Variants in ANKS1A observed in about 807,000 individuals in gnomAD.
ANKS1A encodes ankyrin repeat and SAM domain-containing protein 1A.
In ANKS1A, 55 loss-of-function variants were observed where a neutral mutation model predicts 120.3. That is an observed-to-expected ratio of 0.46 (90% CI 0.37 to 0.57). The LOEUF is 0.57. Among genes scored for constraint, ANKS1A ranks in the 20% least tolerant of loss-of-function variants. The probability of loss-of-function intolerance (pLI) is 0.00; values close to 1 mark genes in which losing one functional copy is unlikely to be tolerated. For synonymous variants in ANKS1A, 590 were observed against 604.7 expected (o/e 0.98, Z 0.36); for missense variants, 1,123 against 1,480.3 (o/e 0.76, Z 3.96).
chr6:35,021,496 T>C (rs1316243141), intron 11 of ANKS1A, among the ~76,000 whole-genome samples: 1 of 152,240 alleles, frequency 6.6e-6, no homozygotes, highest in Non-Finnish European at 1.5e-5. Flanking sequence ...CTCACTGTTA[T>C]TATTCTTATT....
intron 1 of ANKS1A, among the ~76,000 whole-genome samples, chr6:34,930,040 C>G (rs1431616464): frequency 6.6e-6 from 1 of 152,098 alleles, no homozygotes; most frequent in Non-Finnish European, 1.5e-5. Flanking sequence ...TCATCGATAG[C>G]TGTTACCTTT....
chr6:34,889,561 C>T lies in ANKS1A; in HGVS notation c.159C>T (p.Gly53=), dbSNP rs1464562893. 7 of 1,275,940 alleles carry T rather than the reference C, an allele frequency of 5.5e-6. No homozygotes were observed. In the Admixed American group the frequency reaches 1.2e-4, roughly 21 times the overall value. The allele number at this position is 1,275,940 out of a possible 1,614,324, so 79.0% of individuals were successfully genotyped here. ...GCGGCAGCGGCGGCGGCGGCGGCGG[C>T]CTCGGCTCTTCCAGCCACCCCCTCT... The part of the protein sequence containing the change: ...GGGGSGGGGG[G]LGSSSHPLSS... The change falls in exon 1 of 24, where the codon GGC becomes GGT. Residue 53 remains glycine (G), a synonymous_variant. Coordinates refer to ENST00000360359, the MANE Select transcript of ANKS1A (RefSeq NM_015245.3). This position sits in a 1 kb window ranked among gnomAD's most constrained non-coding sequence, Gnocchi z 5.5.
Position 35,082,815 on chromosome 6 carries a change from A to T in ANKS1A, c.2834A>T (p.Asn945Ile). 3 of 1,612,280 alleles carry T rather than the reference A, an allele frequency of 1.9e-6. No homozygotes were observed. The highest frequency in any genetic ancestry group is 2.5e-6 in the Non-Finnish European group (3 of 1,179,012). Residue 945 changes from asparagine to isoleucine, a missense_variant and splice_region_variant, in exon 18 of 24, where the codon AAT becomes ATT. Physicochemically the swap from Asn to Ile is moderately radical, Grantham distance 149. Coordinates refer to ENST00000360359, the MANE Select transcript of ANKS1A (RefSeq NM_015245.3). The surrounding 1 kb of genome is among the most constrained non-coding windows in gnomAD (Gnocchi z 4.1). ...LIFESCGYEANYLGSMLIKDL... is the reference protein window; with the variant it reads ...LIFESCGYEAIYLGSMLIKDL... Reference sequence around the variant, plus strand: ...TTCGAGTCCTGTGGTTATGAAGCCAATGTGAGTTGCTCCCACCCTCCCAGC... The same window carrying T: ...TTCGAGTCCTGTGGTTATGAAGCCATTGTGAGTTGCTCCCACCCTCCCAGC...
rs1423789969 is a variant in ANKS1A, at chr6:34,889,538, GGCA to G, written c.139_141del (p.Ser47del). On this transcript the variant is annotated inframe_deletion, in exon 1 of 24. Coordinates refer to ENST00000360359, the MANE Select transcript of ANKS1A (RefSeq NM_015245.3). This position sits in a 1 kb window ranked among gnomAD's most constrained non-coding sequence, Gnocchi z 5.5. ...CGGTGGCTCTGGGGGCGGCGGCGGCGGCAGCGGCGGCGGCGGCGGCGGCCTCGG... is the reference window on the plus strand; with the variant it reads ...CGGTGGCTCTGGGGGCGGCGGCGGCGGCGGCGGCGGCGGCGGCGGCCTCGG... 13 of 1,269,264 alleles carry G rather than the reference GGCA, an allele frequency of 1.0e-5. No individual in the cohort carries two copies. The highest frequency in any genetic ancestry group is 1.6e-5 in the African/African-American group (1 of 63,970). 78.6% of individuals were successfully genotyped at this position (1,269,264 alleles called of 1,614,324 possible). A position where few individuals can be genotyped will look rare whatever the true frequency, so the allele number is the denominator to read the frequency against.
chr6:34,955,219 C>T (rs1770298184), intron 1 of ANKS1A, among the ~76,000 whole-genome samples: 1 of 151,766 alleles, frequency 6.6e-6, no homozygotes, highest in Non-Finnish European at 1.5e-5. Context: ...TCACTGTGAC[C>T]TCCACCTCCC....
intron 1 of ANKS1A, among the ~76,000 whole-genome samples, chr6:34,961,810 C>T (rs1770654567): frequency 6.6e-6 from 1 of 152,176 alleles, no homozygotes; most frequent in Non-Finnish European, 1.5e-5. Context: ...TTTCTCAGTT[C>T]TTCTTAATTA....
intron 11 of ANKS1A, among the ~76,000 whole-genome samples, chr6:35,022,934 A>G (rs988589295): frequency 6.6e-6 from 1 of 152,224 alleles, no homozygotes; most frequent in African/African-American, 2.4e-5. Flanking sequence ...TTGTATGGCT[A>G]TATCATAAGG....
intron 1 of ANKS1A, among the ~76,000 whole-genome samples, chr6:34,903,472 G>A (rs1403283132): frequency 6.6e-6 from 1 of 151,098 alleles, no homozygotes; most frequent in East Asian, 2.0e-4. Flanking sequence ...CTACAGGCAT[G>A]CACCACCAAG....
chr6:35,096,364 G>A (rs758602651), downstream of ANKS1A, among the ~76,000 whole-genome samples: 17 of 152,196 alleles, frequency 1.1e-4, no homozygotes, highest in Non-Finnish European at 2.1e-4. Context: ...GGCCCTTCTG[G>A]TTTGAGTGCT....
At chr6:35,032,497 G>A (rs959226428) in intron 11 of ANKS1A, among the ~76,000 whole-genome samples, 3 of 152,122 alleles carry the variant, frequency 2.0e-5, no homozygotes, top group Admixed American at 6.6e-5. Flanking sequence ...CAAGCCCTGC[G>A]GCTCCCCAGC....
intron 1 of ANKS1A, among the ~76,000 whole-genome samples, chr6:34,936,198 T>G (rs1325295689): frequency 6.6e-6 from 1 of 152,008 alleles, no homozygotes; most frequent in East Asian, 1.9e-4. Context: ...TAGTGTGCAT[T>G]GAAAGAGTAC....
intron 1 of ANKS1A, among the ~76,000 whole-genome samples, chr6:34,955,417 G>A (rs748297990): frequency 2.0e-5 from 3 of 152,142 alleles, no homozygotes; most frequent in Non-Finnish European, 2.9e-5. Context: ...GATTACAGGC[G>A]TGAGCCACCA....
intron 8 of ANKS1A, among the ~76,000 whole-genome samples, 154 bp downstream of exon 8, chr6:34,985,432 G>C (rs1290466491): frequency 2.0e-5 from 3 of 152,158 alleles, no homozygotes; most frequent in African/African-American, 7.2e-5. Flanking sequence ...GGGCTCTGCT[G>C]GGTCTCTCTT....
At position 34,900,751 on chromosome 6, in the gene ANKS1A, G is replaced by T. The variant is rs768398054; in HGVS notation, c.197+11152G>T. On this transcript the variant is annotated intron_variant, in intron 1 of 23. Coordinates refer to ENST00000360359, the MANE Select transcript of ANKS1A (RefSeq NM_015245.3). The stretch of plus-strand genomic sequence containing the variant: ...ACAGGCCCCAGAGTCTTTGCTCTTG[G>T]TTATTATGCAACTGGGACTTCTTCC... Among the ~76,000 whole-genome samples the T allele has an allele frequency of 2.0e-5, 3 of 151,982 alleles. No individual in the cohort carries two copies. The East Asian group carries it at 5.8e-4, about 29-fold the overall frequency.
At position 34,983,437 on chromosome 6, in the gene ANKS1A, C is replaced by G; in HGVS notation, c.1012+12C>G. ...ACAGAAGTCTCAGGGTAAGGTAACT[C>G]TCCCCTATGAGTAAAGGGGTGCTCA... is the stretch of plus-strand genomic sequence containing the variant. On this transcript the variant is annotated intron_variant, in intron 7 of 23. Coordinates refer to ENST00000360359, the MANE Select transcript of ANKS1A (RefSeq NM_015245.3). The G allele has an allele frequency of 6.2e-7, 1 of 1,601,932 alleles. No individual in the cohort carries two copies. Among genetic ancestry groups the G allele is most frequent in the Non-Finnish European group, 8.5e-7 (1 of 1,171,862 alleles).
In ANKS1A at chr6:35,021,168, C is replaced by T. The variant is rs1429369172; in HGVS notation, c.2010+3109C>T. ...GGAATAGGGCATTAGTTAATGGCTG[C>T]TCCCCACCCTATCCCTGACCAGTGC... On this transcript the variant is annotated intron_variant, in intron 11 of 23. Coordinates refer to ENST00000360359, the MANE Select transcript of ANKS1A (RefSeq NM_015245.3). 5.3e-5 allele frequency among the ~76,000 whole-genome samples: 8 copies of T among 152,372 alleles called. 1 individual carries two copies. In the East Asian group the frequency reaches 1.3e-3, roughly 26 times the overall value.
chr6:35,077,062 A>G (rs1247577265), intron 13 of ANKS1A, among the ~76,000 whole-genome samples: 1 of 152,186 alleles, frequency 6.6e-6, no homozygotes, highest in African/African-American at 2.4e-5. Flanking sequence ...TCCTACTCCG[A>G]TAAGAAATGT....
intron 12 of ANKS1A, 144 bp downstream of exon 12, chr6:35,054,309 C>A: frequency 1.5e-6 from 1 of 671,086 alleles, no homozygotes; most frequent in South Asian, 1.9e-5. Flanking sequence ...ATAATTCAGT[C>A]TCCAATACCT....
At chr6:34,942,827 C>T (rs1047610837) in intron 1 of ANKS1A, among the ~76,000 whole-genome samples, 2 of 147,602 alleles carry the variant, frequency 1.4e-5, no homozygotes, top group African/African-American at 2.5e-5. Context: ...CTTTTCTTTT[C>T]CCCCTCCCCT....
Sources: gnomAD v4.1 joint callset for allele counts (sites outside exome capture counted in the v4.1 genomes callset) on GRCh38, gnomAD v4.1.1 for gene constraint, Gnocchi (gnomAD v3.1) non-coding constraint, MANE v1.5 for transcripts, NCBI Gene and HGNC (gene_info 2026-07-23, HGNC 2026-07-21) for gene names.